Variants in DZIP3 observed in about 807,000 individuals in gnomAD.
DZIP3 encodes the protein E3 ubiquitin-protein ligase DZIP3.
A neutral mutation model predicts 162.0 loss-of-function variants in DZIP3; 118 were observed. The observed-to-expected ratio is 0.73, with a 90% CI of 0.63 to 0.85. DZIP3 has a LOEUF of 0.85. Ranked by LOEUF, DZIP3 falls within the 40% of genes least tolerant of loss-of-function variation. DZIP3 has a pLI of 0.00. For synonymous variants in DZIP3, 438 were observed against 458.6 expected (o/e 0.96, Z 0.57); for missense variants, 1,331 against 1,407.0 (o/e 0.95, Z 0.86).
At position 108,688,834 on chromosome 3, in the gene DZIP3, G is replaced by GGAA. The variant is rs752035415; in HGVS notation, c.3435_3437dup (p.Glu1146dup). On this transcript the variant is annotated inframe_insertion, in exon 31 of 33. Coordinates refer to ENST00000361582, the MANE Select transcript of DZIP3 (RefSeq NM_014648.4). ...TGTATTTTCCCTAGGATGAGGAAGAGGAAGAAGAAGAGCCTTGTGTGATCT... is the reference window on the plus strand; with the variant it reads ...TGTATTTTCCCTAGGATGAGGAAGAGGAAGAAGAAGAAGAGCCTTGTGTGATCT... 1.4e-5 allele frequency: 22 copies of GGAA among 1,614,052 alleles called. No individual in the cohort carries two copies. In the Admixed American group the frequency reaches 2.0e-4, roughly 15 times the overall value.
chr3:108,591,680 C>CT (rs1939427708), intron 1 of DZIP3, among the ~76,000 whole-genome samples: 1 of 152,176 alleles, frequency 6.6e-6, no homozygotes, highest in African/African-American at 2.4e-5. Context: ...CCAATCCATA[C>CT]TTTTAGGCCT....
At chr3:108,605,858 C>T (rs115209706) in intron 2 of DZIP3, among the ~76,000 whole-genome samples, 1,960 of 152,236 alleles carry the variant, frequency 0.013, 51 homozygotes, top group African/African-American at 0.044. Context: ...GTTTTTTCCA[C>T]GTAACCTTGG....
intron 18 of DZIP3, among the ~76,000 whole-genome samples, chr3:108,652,356 C>T (rs1942904679): frequency 6.6e-6 from 1 of 151,856 alleles, no homozygotes; most frequent in Non-Finnish European, 1.5e-5. Flanking sequence ...TCCCAAACAT[C>T]CTTGTAATTT....
rs770684021 is a variant in DZIP3, at chr3:108,634,925, T to G, written c.871T>G (p.Cys291Gly). ...KSCCVYFHKI[C>G]WKKFKNLKYP... ...TTGCTGTGTTTATTTCCATAAAATT[T>G]GCTGGAAAAAGTTCAAGAATTTAAA... Residue 291 changes from cysteine to glycine, a missense_variant, in exon 10 of 33, where the codon TGC (cysteine) becomes GGC (glycine). Transcript: ENST00000361582. 1 of 1,610,750 alleles carries G rather than the reference T, an allele frequency of 6.2e-7. No homozygotes were observed. The highest frequency in any genetic ancestry group is 8.5e-7 in the Non-Finnish European group (1 of 1,178,202).
chr3:108,631,634 G>T (rs1464445864), intron 8 of DZIP3, among the ~76,000 whole-genome samples: 1 of 141,120 alleles, frequency 7.1e-6, no homozygotes, highest in African/African-American at 2.6e-5. Flanking sequence ...ATGTTGCCCA[G>T]GCTGCTCTCA....
At chr3:108,669,829 G>A (rs887361626) in intron 22 of DZIP3, 80 bp downstream of exon 22, 1 of 1,163,928 alleles carries the variant, frequency 8.6e-7, no homozygotes, top group Non-Finnish European at 1.3e-6. Context: ...GCATATTGAT[G>A]TAATTTATCA....
At position 108,642,094 on chromosome 3, in the gene DZIP3, C is replaced by T. The variant is rs1201595690; in HGVS notation, c.1065-344C>T. ...TGAAGAGAGGGCCAGGGAGGACTTC[C>T]AGATTTGCTATTTTTTTGTTTGCTT... On this transcript the variant is annotated intron_variant, in intron 12 of 32. Coordinates refer to ENST00000361582, the MANE Select transcript of DZIP3 (RefSeq NM_014648.4). Among the ~76,000 whole-genome samples, 6 of 152,216 alleles carry T rather than the reference C, an allele frequency of 3.9e-5. No homozygotes were observed. The East Asian group carries it at 1.2e-3, about 29-fold the overall frequency.
At chr3:108,602,830 C>A (rs1199821506) in intron 1 of DZIP3, 3 of 152,128 alleles carry the variant, frequency 2.0e-5, no homozygotes, top group Non-Finnish European at 4.4e-5. Flanking sequence ...GCCACACATA[C>A]CTGTTTAGCT....
At chr3:108,677,950 G>A (rs913716287) in intron 26 of DZIP3, among the ~76,000 whole-genome samples, 2 of 151,932 alleles carry the variant, frequency 1.3e-5, no homozygotes, top group South Asian at 2.1e-4. Flanking sequence ...CAACCTCTGG[G>A]CCACGGACCA....
intron 1 of DZIP3, among the ~76,000 whole-genome samples, chr3:108,602,378 T>C (rs981571614): frequency 6.6e-6 from 1 of 152,132 alleles, no homozygotes; most frequent in African/African-American, 2.4e-5. Flanking sequence ...TATTAAGATA[T>C]GGATGGTATT....
chr3:108,690,549 G>A (rs2107444205), intron 31 of DZIP3, among the ~76,000 whole-genome samples: 1 of 152,280 alleles, frequency 6.6e-6, no homozygotes, highest in African/African-American at 2.4e-5. Flanking sequence ...AATTGAGGTT[G>A]AAGGAAGCAT....
rs367825603 is a variant in DZIP3 at position 108,616,508 on chromosome 3, T to C, written c.259-33T>C. The C allele has an allele frequency of 4.9e-6, 7 of 1,425,936 alleles. No homozygotes were observed. The African/African-American group carries it at 7.1e-5, about 14-fold the overall frequency. 88.3% of individuals were successfully genotyped at this position (1,425,936 alleles called of 1,614,324 possible). The stretch of plus-strand genomic sequence containing the variant: ...ACATATGTAGATGTTTGTTCAGACT[T>C]ATAGACATTTTTAACTGAATAATTT... On this transcript the variant is annotated intron_variant, in intron 4 of 32. Coordinates refer to ENST00000361582, the MANE Select transcript of DZIP3 (RefSeq NM_014648.4).
chr3:108,668,468 C>G (rs1177794704), intron 21 of DZIP3, among the ~76,000 whole-genome samples: 1 of 151,934 alleles, frequency 6.6e-6, no homozygotes, highest in Non-Finnish European at 1.5e-5. Flanking sequence ...TCTAGGTGTT[C>G]TGAATTCCCC....
chr3:108,658,476 G>A (rs1426084657), intron 19 of DZIP3, among the ~76,000 whole-genome samples: 4 of 151,304 alleles, frequency 2.6e-5, no homozygotes, highest in Non-Finnish European at 2.9e-5. Context: ...GAATCTCTGG[G>A]ACACATTCAA....
At chr3:108,599,913 A>G (rs1271008104) in intron 1 of DZIP3, among the ~76,000 whole-genome samples, 3 of 152,214 alleles carry the variant, frequency 2.0e-5, no homozygotes, top group Admixed American at 6.5e-5. Flanking sequence ...TGTTGTTTCT[A>G]TAGTACTTTA....
chr3:108,687,927 G>C (rs895737092), intron 28 of DZIP3, 49 bp from the exon 29 acceptor site: 4 of 1,610,650 alleles, frequency 2.5e-6, no homozygotes, highest in Non-Finnish European at 3.4e-6. Context: ...ATCCTCAAAG[G>C]TACTAAGGAA....
At position 108,644,281 on chromosome 3, in the gene DZIP3, T is replaced by A; in HGVS notation, c.1259T>A (p.Leu420His). ...QIFDEAMPPPLLKKELLIHKN... is the reference protein window; with the variant it reads ...QIFDEAMPPPHLKKELLIHKN... Reference sequence around the variant, plus strand: ...TTTGATGAGGCTATGCCACCTCCTCTTTTGAAAAAAGAGCTTCTTATACAC... The same window carrying A: ...TTTGATGAGGCTATGCCACCTCCTCATTTGAAAAAAGAGCTTCTTATACAC... Residue 420 changes from leucine (L) to histidine (H), a missense_variant, in exon 14 of 33, where the codon CTT (leucine) becomes CAT (histidine). By Grantham distance (99) the Leu-to-His change is moderately conservative (BLOSUM62 -3). Transcript: ENST00000361582. 1 of 1,614,010 alleles carries A rather than the reference T, an allele frequency of 6.2e-7. No individual in the cohort carries two copies. Among genetic ancestry groups the A allele is most frequent in the Non-Finnish European group, 8.5e-7 (1 of 1,179,934 alleles).
At chr3:108,650,681 T>A (rs910956387) in intron 17 of DZIP3, among the ~76,000 whole-genome samples, 2 of 151,704 alleles carry the variant, frequency 1.3e-5, no homozygotes, top group Non-Finnish European at 3.0e-5. Flanking sequence ...TGACTTCTCC[T>A]TATATATAGG....
intron 5 of DZIP3, among the ~76,000 whole-genome samples, chr3:108,619,338 A>G (rs961127155): frequency 6.8e-6 from 1 of 148,036 alleles, no homozygotes; most frequent in Non-Finnish European, 1.5e-5. Context: ...TGTTTTATAT[A>G]CATAAAACAT....
Sources: gnomAD v4.1 joint callset for allele counts (sites outside exome capture counted in the v4.1 genomes callset) on GRCh38, gnomAD v4.1.1 for gene constraint, MANE v1.5 for transcripts, NCBI Gene and HGNC (gene_info 2026-07-23, HGNC 2026-07-21) for gene names.